The following MAP2 variants were observed in gnomAD, a reference collection of about 807,000 sequenced individuals.
The protein encoded by MAP2 is microtubule-associated protein 2.
A neutral mutation model predicts 137.6 loss-of-function variants in MAP2; 14 were observed. The observed-to-expected ratio is 0.10, with a 90% CI of 0.07 to 0.16. MAP2 has a LOEUF of 0.16. Ranked by LOEUF, MAP2 falls within the 10% of genes least tolerant of loss-of-function variation. MAP2 has a pLI of 1.00. For missense variants in MAP2, 2,088 were observed against 2,191.5 expected, an observed-to-expected ratio of 0.95 and a Z score of 0.94; for synonymous variants, 786 against 782.3, an observed-to-expected ratio of 1.00 and a Z score of -0.08.
At chr2:209,529,830 G>A (rs553777575) in intron 2 of MAP2, among the ~76,000 whole-genome samples, 10 of 152,124 alleles carry the variant, frequency 6.6e-5, no homozygotes, top group East Asian at 3.9e-4. Flanking sequence ...AATTACTCAC[G>A]TCTTGACTGC....
intron 4 of MAP2, among the ~76,000 whole-genome samples, chr2:209,636,233 A>G (rs1407526197): frequency 6.6e-6 from 1 of 152,142 alleles, no homozygotes; most frequent in East Asian, 1.9e-4. Flanking sequence ...GGAGTGCCAA[A>G]GCTTGAGTCA....
chr2:209,704,729 G>C, intron 11 of MAP2: 1 of 1,040,508 alleles, frequency 9.6e-7, no homozygotes, highest in Non-Finnish European at 1.3e-6. Context: ...TTACTCTGAA[G>C]TGTTTGACAC....
chr2:209,663,040 A>C (rs879046281), intron 5 of MAP2, among the ~76,000 whole-genome samples: 2 of 152,112 alleles, frequency 1.3e-5, no homozygotes, highest in Admixed American at 1.3e-4. Flanking sequence ...TGTATGCCAA[A>C]TGCTGCCTTG....
intron 10 of MAP2, among the ~76,000 whole-genome samples, chr2:209,699,937 A>G (rs910586447): frequency 6.6e-6 from 1 of 152,188 alleles, no homozygotes; most frequent in Non-Finnish European, 1.5e-5. Context: ...AAATTTTGCA[A>G]CATTCACATT....
chr2:209,696,854 C>G (rs1163634458), intron 9 of MAP2, 63 bp from the exon 10 acceptor site: 1 of 1,552,788 alleles, frequency 6.4e-7, no homozygotes, highest in Non-Finnish European at 8.7e-7. Context: ...AAATTTCGTT[C>G]GGTTTTGCTC....
chr2:209,566,954 G>GA (rs1420888748), intron 2 of MAP2, among the ~76,000 whole-genome samples: 6 of 152,110 alleles, frequency 3.9e-5, no homozygotes, highest in Admixed American at 3.9e-4. Flanking sequence ...CGTGCCACTA[G>GA]AAAAATCTGT....
intron 5 of MAP2, among the ~76,000 whole-genome samples, chr2:209,658,622 T>A (rs941235251): frequency 4.6e-5 from 7 of 152,056 alleles, no homozygotes; most frequent in Non-Finnish European, 8.8e-5. Flanking sequence ...TTCTCTTGCC[T>A]CAGCCTCCAG....
At chr2:209,652,505 G>T (rs1170340085) in intron 4 of MAP2, among the ~76,000 whole-genome samples, 1 of 151,912 alleles carries the variant, frequency 6.6e-6, no homozygotes, top group East Asian at 1.9e-4. Context: ...TAAGTTTTAG[G>T]GTACATGTGC....
At chr2:209,561,480 T>C (rs544009398) in intron 2 of MAP2, among the ~76,000 whole-genome samples, 1 of 152,346 alleles carries the variant, frequency 6.6e-6, no homozygotes, top group Non-Finnish European at 1.5e-5. Context: ...CAGTTTGTCC[T>C]TGGAGAAGTT....
intron 13 of MAP2, among the ~76,000 whole-genome samples, chr2:209,724,791 G>A (rs919160960): frequency 6.6e-6 from 1 of 152,174 alleles, no homozygotes; most frequent in Non-Finnish European, 1.5e-5. Context: ...TCCCCAGACT[G>A]TAAGTATACA....
At chr2:209,428,835 A>G (rs1693317311) in intron 1 of MAP2, among the ~76,000 whole-genome samples, 2 of 152,238 alleles carry the variant, frequency 1.3e-5, no homozygotes, top group Admixed American at 6.5e-5. Flanking sequence ...ATTAGTTTGT[A>G]TCCAAGTTTA....
chr2:209,548,347 A>G (rs2068493193), intron 2 of MAP2, among the ~76,000 whole-genome samples: 1 of 152,234 alleles, frequency 6.6e-6, no homozygotes, highest in Admixed American at 6.5e-5. Context: ...AATTAAGATG[A>G]CAGCCTGCCT....
intron 1 of MAP2, among the ~76,000 whole-genome samples, chr2:209,500,989 G>A (rs1482410168): frequency 1.5e-5 from 2 of 135,368 alleles, no homozygotes; most frequent in Non-Finnish European, 3.1e-5. Flanking sequence ...AGTGAGCCAT[G>A]ATCATTCCAA....
chr2:209,437,825 A>G (rs1696716923), intron 1 of MAP2, among the ~76,000 whole-genome samples: 1 of 151,682 alleles, frequency 6.6e-6, no homozygotes, highest in African/African-American at 2.4e-5. Flanking sequence ...TCAGATAGTT[A>G]GTGGTTTGTT....
At chr2:209,643,042 A>G (rs976527709) in intron 4 of MAP2, among the ~76,000 whole-genome samples, 6 of 152,188 alleles carry the variant, frequency 3.9e-5, no homozygotes, top group Non-Finnish European at 8.8e-5. Flanking sequence ...CCTTTTGTTC[A>G]TCTGTGGATA....
At chr2:209,490,656 C>T (rs1469279293) in intron 1 of MAP2, among the ~76,000 whole-genome samples, 1 of 126,470 alleles carries the variant, frequency 7.9e-6, no homozygotes, top group Non-Finnish European at 1.6e-5. Flanking sequence ...CAATCCTAGT[C>T]TCTGATAAAA....
intron 5 of MAP2, among the ~76,000 whole-genome samples, chr2:209,654,688 T>C (rs115051187): frequency 0.033 from 5,015 of 152,086 alleles, 269 homozygotes; most frequent in African/African-American, 0.11. Flanking sequence ...ACTAAGAGGA[T>C]TTTCAAGGGA....
intron 2 of MAP2, among the ~76,000 whole-genome samples, chr2:209,540,491 C>T (rs907673984): frequency 4.7e-5 from 7 of 150,094 alleles, no homozygotes; most frequent in African/African-American, 7.5e-5. Flanking sequence ...AATTGCCGAG[C>T]GTGGTGGCAC....
chr2:209,684,199 G>A (rs981361265), intron 7 of MAP2, among the ~76,000 whole-genome samples: 5 of 152,166 alleles, frequency 3.3e-5, no homozygotes, highest in Admixed American at 1.3e-4. Flanking sequence ...GGCTGTGAAG[G>A]AATGGAATAA....
Sources: allele counts gnomAD v4.1 joint callset (sites outside exome capture counted in the v4.1 genomes callset), GRCh38; gene constraint gnomAD v4.1.1; transcripts MANE v1.5; gene names NCBI Gene and HGNC (gene_info 2026-07-23, HGNC 2026-07-21).